Variants in LPP observed in about 807,000 individuals in gnomAD.
LPP encodes the protein LIM domain containing preferred translocation partner in lipoma.
In LPP, 38 loss-of-function variants were observed where a neutral mutation model predicts 60.4. The ratio of observed to expected loss-of-function variants is 0.63; its 90% confidence interval spans 0.49 to 0.83. The LOEUF (loss-of-function observed/expected upper bound fraction) is 0.83, where lower values mean the gene tolerates loss of function less well. LPP is among the 40% of genes least tolerant of loss of function. LPP has a pLI of 0.00. For missense variants in LPP, 902 were observed against 783.6 expected (o/e 1.15, Z -1.80); for synonymous variants, 328 against 290.8 (o/e 1.13, Z -1.30).
chr3:188,187,400 A>G (rs1374433195), intron 1 of LPP, among the ~76,000 whole-genome samples: 2 of 152,032 alleles, frequency 1.3e-5, no homozygotes, highest in African/African-American at 2.4e-5. Context: ...TTTTTTCTGT[A>G]GTTGTTCAGA....
intron 1 of LPP, among the ~76,000 whole-genome samples, chr3:188,213,961 A>AACACAGACACAC (rs1712367404): frequency 7.7e-6 from 1 of 130,324 alleles, no homozygotes; most frequent in South Asian, 3.1e-4. Flanking sequence ...TTAGATTTTA[A>AACACAGACACAC]ACACACACAC....
intron 7 of LPP, among the ~76,000 whole-genome samples, chr3:188,676,526 G>A (rs1359065626): frequency 4.6e-5 from 7 of 152,082 alleles, no homozygotes; most frequent in Non-Finnish European, 7.4e-5. Flanking sequence ...AGTTTTCTTC[G>A]TTCTTTGTTA....
chr3:188,615,134 G>A (rs1844604482), intron 7 of LPP, among the ~76,000 whole-genome samples: 1 of 152,052 alleles, frequency 6.6e-6, no homozygotes, highest in Non-Finnish European at 1.5e-5. Context: ...ATTGCCTTTT[G>A]CAAAAACCTT....
chr3:188,327,564 G>A (rs188633401), intron 2 of LPP, among the ~76,000 whole-genome samples: 2 of 152,278 alleles, frequency 1.3e-5, no homozygotes, highest in East Asian at 1.9e-4. Context: ...TTCTGATACA[G>A]GTCCTAGTAA....
chr3:188,692,629 T>G (rs917685885), intron 7 of LPP, among the ~76,000 whole-genome samples: 1 of 152,232 alleles, frequency 6.6e-6, no homozygotes, highest in Non-Finnish European at 1.5e-5. Flanking sequence ...TGGACATTTT[T>G]GTGTGTCTAA....
Position 188,303,337 on chromosome 3 carries a change from C to T in LPP, c.-66-38326C>T, listed in dbSNP as rs75276960. 2.8e-3 allele frequency among the ~76,000 whole-genome samples: 423 copies of T among 152,270 alleles called. 4 individuals are homozygous for T. Among genetic ancestry groups the T allele is most frequent in the Middle Eastern group, 0.014 (4 of 294 alleles). ...TTGCCAGCACCTGTACTAAAATGTC[C>T]CTGAAAATAGAGAACTTTGTTTTGT... is the stretch of plus-strand genomic sequence containing the variant. On this transcript the variant is annotated intron_variant, in intron 2 of 11. Coordinates refer to ENST00000617246, the MANE Select transcript of LPP (RefSeq NM_001375462.1).
At chr3:188,763,706 G>T (rs945786778) in intron 9 of LPP, among the ~76,000 whole-genome samples, 3 of 151,824 alleles carry the variant, frequency 2.0e-5, no homozygotes, top group African/African-American at 7.3e-5. Flanking sequence ...TTTACATTTA[G>T]ATTACACACT....
chr3:188,377,082 G>A (rs1316202371), intron 3 of LPP, among the ~76,000 whole-genome samples: 1 of 152,202 alleles, frequency 6.6e-6, no homozygotes, highest in Admixed American at 6.5e-5. Flanking sequence ...TCTGCTGTTA[G>A]TCTGATGTGC....
intron 2 of LPP, among the ~76,000 whole-genome samples, chr3:188,339,809 G>A (rs777542302): frequency 2.1e-4 from 32 of 152,186 alleles, no homozygotes; most frequent in Non-Finnish European, 8.8e-5. Context: ...ACAGACTTGC[G>A]TATATGGCTT....
chr3:188,280,097 A>G (rs935381081), intron 2 of LPP, among the ~76,000 whole-genome samples: 1 of 152,198 alleles, frequency 6.6e-6, no homozygotes, highest in Non-Finnish European at 1.5e-5. Flanking sequence ...CAGTGATGTA[A>G]TTGGCAGCCA....
At chr3:188,753,858 G>A (rs1729086785) in intron 8 of LPP, among the ~76,000 whole-genome samples, 1 of 151,992 alleles carries the variant, frequency 6.6e-6, no homozygotes, top group Non-Finnish European at 1.5e-5. Flanking sequence ...TCCCCCACTA[G>A]CCACGTACCT....
intron 6 of LPP, among the ~76,000 whole-genome samples, chr3:188,542,609 A>T (rs751132650): frequency 1.3e-5 from 2 of 152,254 alleles, no homozygotes; most frequent in Non-Finnish European, 2.9e-5. Context: ...TCACAAACAT[A>T]AACATATATT....
chr3:188,445,827 G>A (rs549315824), intron 4 of LPP, among the ~76,000 whole-genome samples: 1 of 152,188 alleles, frequency 6.6e-6, no homozygotes, highest in East Asian at 1.9e-4. Context: ...GGCACACAGA[G>A]ACACACACAT....
intron 3 of LPP, among the ~76,000 whole-genome samples, chr3:188,369,888 C>T (rs1303466689): frequency 2.0e-5 from 3 of 152,128 alleles, no homozygotes; most frequent in African/African-American, 7.2e-5. Context: ...GTGATTTTGT[C>T]AGGCAGTCAT....
intron 6 of LPP, chr3:188,569,132 A>C (rs1433931664): frequency 6.9e-6 from 1 of 145,634 alleles, no homozygotes; most frequent in Non-Finnish European, 1.5e-5. Context: ...AAATGGAGTA[A>C]GTGGCACAGA....
At chr3:188,641,283 G>A (rs544238754) in intron 7 of LPP, among the ~76,000 whole-genome samples, 10 of 152,302 alleles carry the variant, frequency 6.6e-5, no homozygotes, top group Admixed American at 3.3e-4. Context: ...CAGCCAGAGC[G>A]AGAGAGTGAG....
chr3:188,329,915 A>C (rs903600670), intron 2 of LPP, among the ~76,000 whole-genome samples: 1 of 152,178 alleles, frequency 6.6e-6, no homozygotes, highest in African/African-American at 2.4e-5. Flanking sequence ...AGTCACAGGA[A>C]AGAAAATTGT....
At chr3:188,375,960 T>G (rs934367528) in intron 3 of LPP, among the ~76,000 whole-genome samples, 5 of 152,204 alleles carry the variant, frequency 3.3e-5, no homozygotes, top group African/African-American at 7.2e-5. Flanking sequence ...ATTTCATTAT[T>G]TACCCAGTAG....
At chr3:188,765,303 C>A (rs1013730665) in intron 9 of LPP, among the ~76,000 whole-genome samples, 1 of 76,978 alleles carries the variant, frequency 1.3e-5, no homozygotes, top group African/African-American at 6.4e-5. Flanking sequence ...ACACAACACA[C>A]ACACACACAC....
Sources: allele counts gnomAD v4.1 joint callset (sites outside exome capture counted in the v4.1 genomes callset), GRCh38; gene constraint gnomAD v4.1.1; transcripts MANE v1.5; gene names NCBI Gene and HGNC (gene_info 2026-07-23, HGNC 2026-07-21).